Variants in KHDRBS3 observed in about 807,000 individuals in gnomAD.
The protein encoded by KHDRBS3 is KH RNA binding domain containing, signal transduction associated 3.
In KHDRBS3, 23 loss-of-function variants were observed where a neutral mutation model predicts 45.6. That is an observed-to-expected ratio of 0.50 (90% CI 0.36 to 0.72). The LOEUF (loss-of-function observed/expected upper bound fraction) is 0.72. Ranked by LOEUF, KHDRBS3 falls within the 30% of genes least tolerant of loss-of-function variation. The probability of loss-of-function intolerance (pLI) is 0.00; values close to 1 mark genes in which losing one functional copy is unlikely to be tolerated. For missense variants in KHDRBS3, 352 were observed against 424.8 expected, an observed-to-expected ratio of 0.83 and a Z score of 1.51; for synonymous variants, 162 against 156.5, an observed-to-expected ratio of 1.04 and a Z score of -0.26.
chr8:135,473,923 A>G (rs568883625), intron 1 of KHDRBS3, among the ~76,000 whole-genome samples: 17 of 152,300 alleles, frequency 1.1e-4, no homozygotes, highest in Non-Finnish European at 2.1e-4. Context: ...GTCCATGAGA[A>G]TGGCCACCAT....
intron 7 of KHDRBS3, among the ~76,000 whole-genome samples, chr8:135,617,258 T>G (rs1829957143): frequency 8.0e-6 from 1 of 125,654 alleles, no homozygotes; most frequent in Non-Finnish European, 1.7e-5. Context: ...TTATTTTATT[T>G]TATTTTATTT....
chr8:135,546,440 T>C (rs10103759), intron 3 of KHDRBS3, among the ~76,000 whole-genome samples: 121,772 of 152,122 alleles, frequency 0.8, 49,262 homozygotes, highest in East Asian at 0.96. Context: ...TGATGTATAT[T>C]AGTTGGTTAC....
At chr8:135,621,127 TA>T (rs1012251685) in intron 7 of KHDRBS3, among the ~76,000 whole-genome samples, 1 of 119,312 alleles carries the variant, frequency 8.4e-6, no homozygotes, top group African/African-American at 3.2e-5. Flanking sequence ...TATGCAGCCT[TA>T]AAAAAAAGGG....
At chr8:135,587,219 G>C (rs1428449595) in intron 6 of KHDRBS3, among the ~76,000 whole-genome samples, 1 of 152,200 alleles carries the variant, frequency 6.6e-6, no homozygotes, top group Non-Finnish European at 1.5e-5. Flanking sequence ...TGAGCCAACT[G>C]TTCTTCATCG....
chr8:135,521,920 T>C (rs1464889823), intron 2 of KHDRBS3, among the ~76,000 whole-genome samples: 1 of 152,230 alleles, frequency 6.6e-6, no homozygotes, highest in African/African-American at 2.4e-5. Context: ...CTGAACAGTT[T>C]TATACAAGTT....
In KHDRBS3 at chr8:135,625,588, A is replaced by G; in HGVS notation, c.890+18551A>G. The G allele has an allele frequency of 4.2e-6, 4 of 955,822 alleles. No individual in the cohort carries two copies. In the South Asian group the frequency reaches 5.1e-5, roughly 12 times the overall value. 59.2% of individuals were successfully genotyped at this position (955,822 alleles called of 1,614,324 possible). A position where few individuals can be genotyped will look rare whatever the true frequency, so the allele number is the denominator to read the frequency against. On this transcript the variant is annotated intron_variant, in intron 7 of 8. Coordinates refer to ENST00000355849, the MANE Select transcript of KHDRBS3 (RefSeq NM_006558.3). ...GAGAGGGAGCCACTGCAGTTTCTTGACCTTGTCTGGCAGCCACAGGGTCAG... is the reference window on the plus strand; with the variant it reads ...GAGAGGGAGCCACTGCAGTTTCTTGGCCTTGTCTGGCAGCCACAGGGTCAG...
At position 135,512,430 on chromosome 8, in the gene KHDRBS3, G is replaced by GGA. The variant is rs932830017; in HGVS notation, c.89-8806_89-8805insAG. ...AAGAGTTAAGGTGTTTGGAAAAGTCGGGGGGGGGGTAATAACTCTATTGAT... is the reference window on the plus strand; with the variant it reads ...AAGAGTTAAGGTGTTTGGAAAAGTCGGAGGGGGGGGGTAATAACTCTATTGAT... On this transcript the variant is annotated intron_variant, in intron 1 of 8. Coordinates refer to ENST00000355849, the MANE Select transcript of KHDRBS3 (RefSeq NM_006558.3). Among the ~76,000 whole-genome samples the GGA allele has an allele frequency of 2.4e-4, 3 of 12,708 alleles. 1 individual carries two copies. Among genetic ancestry groups the GGA allele is most frequent in the South Asian group, 4.9e-3 (2 of 408 alleles). The allele number at this position is 12,708 out of a possible 152,430, so 8.3% of individuals were successfully genotyped here.
intron 1 of KHDRBS3, among the ~76,000 whole-genome samples, chr8:135,514,028 C>T (rs754558753): frequency 2.0e-5 from 3 of 152,230 alleles, no homozygotes; most frequent in South Asian, 2.1e-4. Flanking sequence ...TTCCTTCAGC[C>T]GTTCCTTTAA....
At chr8:135,464,640 C>G (rs960756978) in intron 1 of KHDRBS3, among the ~76,000 whole-genome samples, 3 of 152,232 alleles carry the variant, frequency 2.0e-5, no homozygotes, top group African/African-American at 7.2e-5. Flanking sequence ...TTTAAATATA[C>G]TTGCCCTGCA....
rs150187643 is a variant in KHDRBS3 at position 135,493,061 on chromosome 8, A to T, written c.89-28176A>T. Among the ~76,000 whole-genome samples the T allele has an allele frequency of 2.6e-4, 40 of 151,278 alleles. No homozygotes were observed. The East Asian group carries it at 6.6e-3, about 25-fold the overall frequency. On this transcript the variant is annotated intron_variant, in intron 1 of 8. Coordinates refer to ENST00000355849, the MANE Select transcript of KHDRBS3 (RefSeq NM_006558.3). ...ATTTTATTAAATTTATCCCTATTTC[A>T]TATTTTTTGATGTTACTGGAATTTT...
chr8:135,480,788 T>G (rs1271994723), intron 1 of KHDRBS3, among the ~76,000 whole-genome samples: 1 of 152,232 alleles, frequency 6.6e-6, no homozygotes, highest in Non-Finnish European at 1.5e-5. Context: ...GTCATTTTCT[T>G]AAGTCGTCAG....
intron 3 of KHDRBS3, among the ~76,000 whole-genome samples, chr8:135,547,338 TAGGTA>T (rs1483360428): frequency 6.6e-6 from 1 of 152,202 alleles, no homozygotes; most frequent in Non-Finnish European, 1.5e-5. Flanking sequence ...GGCAGTGTAC[TAGGTA>T]GTATATACAC....
chr8:135,543,616 A>T (rs927599923), intron 3 of KHDRBS3, among the ~76,000 whole-genome samples: 2 of 152,190 alleles, frequency 1.3e-5, no homozygotes, highest in East Asian at 1.9e-4. Flanking sequence ...TGCTACTGTG[A>T]GTCAGGCGCT....
At chr8:135,531,289 G>A (rs1203020663) in intron 2 of KHDRBS3, among the ~76,000 whole-genome samples, 1 of 151,944 alleles carries the variant, frequency 6.6e-6, no homozygotes, top group Non-Finnish European at 1.5e-5. Flanking sequence ...TGGATATTAG[G>A]TTAAAATTAC....
intron 3 of KHDRBS3, among the ~76,000 whole-genome samples, chr8:135,548,019 G>A (rs527527369): frequency 4.6e-5 from 7 of 152,182 alleles, no homozygotes; most frequent in East Asian, 1.9e-4. Context: ...GTAAAATAAC[G>A]TAATAAAGTC....
rs931614584 is a variant in KHDRBS3, at chr8:135,478,825, A to G, written c.88+20871A>G. 8.5e-5 allele frequency among the ~76,000 whole-genome samples: 13 copies of G among 152,244 alleles called. 1 individual carries two copies. The highest frequency in any genetic ancestry group is 8.5e-4 in the Admixed American group (13 of 15,286). The stretch of plus-strand genomic sequence containing the variant: ...CAAAACTTAAGAGATACAACAAAGC[A>G]GTACTTAGAGGAAAAGCCCTATATT... On this transcript the variant is annotated intron_variant, in intron 1 of 8. Transcript: ENST00000355849.
At position 135,645,108 on chromosome 8, in the gene KHDRBS3, G is replaced by A; in HGVS notation, c.940G>A (p.Asp314Asn). The change falls in exon 8 of 9, where the codon GAT becomes AAT. Residue 314 changes from aspartate to asparagine, a missense_variant. Physicochemically the swap from Asp to Asn is conservative, Grantham distance 23. Transcript: ENST00000355849. ...ACATGGACTCAGTGAGGAGACTTAT[G>A]ATTCCTACGGTGAGTGACTGGCCAG... ...YGHGLSEETY[D>N]SYGQEEWTNS... The A allele has an allele frequency of 6.2e-7, 1 of 1,613,638 alleles. No individual in the cohort carries two copies. The highest frequency in any genetic ancestry group is 8.5e-7 in the Non-Finnish European group (1 of 1,179,868).
intron 2 of KHDRBS3, among the ~76,000 whole-genome samples, chr8:135,529,976 C>T (rs554878785): frequency 9.5e-4 from 143 of 151,022 alleles, no homozygotes; most frequent in African/African-American, 3.4e-3. Context: ...GTGTGAAACC[C>T]GGGAGGTGGA....
intron 1 of KHDRBS3, among the ~76,000 whole-genome samples, chr8:135,505,511 A>C (rs1053499159): frequency 6.6e-6 from 1 of 152,214 alleles, no homozygotes; most frequent in Non-Finnish European, 1.5e-5. Context: ...AGGGTGTATC[A>C]ATCAGGTAAA....
Sources: gnomAD v4.1 joint callset for allele counts (sites outside exome capture counted in the v4.1 genomes callset) on GRCh38, gnomAD v4.1.1 for gene constraint, MANE v1.5 for transcripts, NCBI Gene and HGNC (gene_info 2026-07-23, HGNC 2026-07-21) for gene names.